LINGO2: variants seen among roughly 807,000 people sequenced by gnomAD.
LINGO2 encodes the protein leucine-rich repeat and immunoglobulin-like domain-containing nogo receptor-interacting protein 2.
LINGO2 carries 14 observed loss-of-function variants against 30.6 expected under a neutral mutation model. The observed-to-expected ratio is 0.46, with a 90% CI of 0.30 to 0.72. The LOEUF (loss-of-function observed/expected upper bound fraction) is 0.72, where lower values mean the gene tolerates loss of function less well. LINGO2 is among the 30% of genes least tolerant of loss of function. The pLI is 0.07. For synonymous variants in LINGO2, 317 were observed against 288.5 expected (o/e 1.10, Z -1.00); for missense variants, 729 against 751.7 (o/e 0.97, Z 0.35).
the LINGO2 span, among the ~76,000 whole-genome samples, chr9:29,076,882 G>A: frequency 2.0e-5 from 3 of 151,880 alleles, no homozygotes; most frequent in Non-Finnish European, 4.4e-5. Flanking sequence ...GTTAGCAAGT[G>A]CTATATAAAA....
chr9:29,163,368 T>C, the LINGO2 span, among the ~76,000 whole-genome samples: 1 of 152,202 alleles, frequency 6.6e-6, no homozygotes, highest in Non-Finnish European at 1.5e-5. Flanking sequence ...ATGCAAATCC[T>C]TTTATATAGG....
chr9:28,527,309 A>G (rs535165031), intron 1 of LINGO2, among the ~76,000 whole-genome samples: 1 of 152,188 alleles, frequency 6.6e-6, no homozygotes, highest in Non-Finnish European at 1.5e-5. Context: ...GTCTGTAGTC[A>G]TAAACATCTC....
intron 1 of LINGO2, among the ~76,000 whole-genome samples, chr9:28,566,391 T>C (rs569457260): frequency 6.6e-6 from 1 of 152,288 alleles, no homozygotes; most frequent in East Asian, 1.9e-4. Flanking sequence ...CAAACAACTT[T>C]AAAACAACTT....
the LINGO2 span, among the ~76,000 whole-genome samples, chr9:29,211,555 A>G: frequency 7.4e-6 from 1 of 134,498 alleles, no homozygotes; most frequent in Non-Finnish European, 1.6e-5. Context: ...CTTCCTTCTC[A>G]TCCTTCTCTT....
the LINGO2 span, among the ~76,000 whole-genome samples, chr9:29,158,629 C>G: frequency 4.9e-4 from 75 of 152,180 alleles, 1 homozygote; most frequent in South Asian, 0.013. Flanking sequence ...AGAAAAGAAC[C>G]CGGCAGTGGG....
the LINGO2 span, among the ~76,000 whole-genome samples, chr9:28,987,595 GTTC>G: frequency 6.6e-6 from 1 of 151,746 alleles, no homozygotes; most frequent in Non-Finnish European, 1.5e-5. Context: ...GACTTAGTTT[GTTC>G]TTCTTTTTCT....
chr9:28,020,518 G>C (rs1387706484), intron 4 of LINGO2, among the ~76,000 whole-genome samples: 3 of 146,364 alleles, frequency 2.0e-5, no homozygotes, highest in Non-Finnish European at 4.5e-5. Context: ...AACAGAGTGA[G>C]ACTCTGTCTT....
the LINGO2 span, among the ~76,000 whole-genome samples, chr9:28,738,009 A>G: frequency 6.6e-6 from 1 of 152,134 alleles, no homozygotes; most frequent in Non-Finnish European, 1.5e-5. Context: ...CTCAGCAACT[A>G]AAAAATGTGT....
chr9:28,107,810 T>C (rs187171885), intron 4 of LINGO2, among the ~76,000 whole-genome samples: 46 of 152,242 alleles, frequency 3.0e-4, no homozygotes, highest in Non-Finnish European at 6.0e-4. Context: ...TTTTGAGATA[T>C]AAAACACCTC....
chr9:28,851,450 G>C, the LINGO2 span, among the ~76,000 whole-genome samples: 1 of 152,044 alleles, frequency 6.6e-6, no homozygotes, highest in African/African-American at 2.4e-5. Flanking sequence ...GGTCTACCCA[G>C]GTAATTCAGG....
At chr9:29,074,514 T>C in the LINGO2 span, among the ~76,000 whole-genome samples, 1 of 152,098 alleles carries the variant, frequency 6.6e-6, no homozygotes, top group Non-Finnish European at 1.5e-5. Flanking sequence ...TATCTTCTCA[T>C]CAATAGTCCA....
At chr9:29,040,473 A>G in the LINGO2 span, among the ~76,000 whole-genome samples, 2 of 152,074 alleles carry the variant, frequency 1.3e-5, no homozygotes, top group South Asian at 4.1e-4. Context: ...CTATTTTTAC[A>G]TATAAATACT....
At chr9:27,969,953 C>A (rs1448100102) in intron 5 of LINGO2, among the ~76,000 whole-genome samples, 1 of 152,140 alleles carries the variant, frequency 6.6e-6, no homozygotes, top group Non-Finnish European at 1.5e-5. Context: ...TCCCTCAATA[C>A]ATTTTGTAAA....
In LINGO2 at chr9:28,336,276, T is replaced by C. The variant is rs553560721; in HGVS notation, c.-246+36560A>G. Among the ~76,000 whole-genome samples, 279 of 152,256 alleles carry C rather than the reference T, an allele frequency of 1.8e-3. 2 individuals carry two copies. The highest frequency in any genetic ancestry group is 6.6e-3 in the African/African-American group (273 of 41,570). ...TTTTCCAATTGGATTATATGTTTTG[T>C]TAATGTTGAGTTTAGAGAGTTCTTT... On this transcript the variant is annotated intron_variant, in intron 3 of 5. Transcript: ENST00000379992.
At chr9:27,942,448 A>G in the LINGO2 span, 3 of 152,248 alleles carry the variant, frequency 2.0e-5, no homozygotes, top group African/African-American at 7.2e-5. Flanking sequence ...AAAAGAAAAC[A>G]TGTTTTCTTA....
the LINGO2 span, among the ~76,000 whole-genome samples, chr9:28,730,105 A>C: frequency 1.3e-5 from 2 of 152,188 alleles, no homozygotes; most frequent in Admixed American, 1.3e-4. Context: ...ATTTTCAGAC[A>C]TATTCTCAAA....
chr9:28,561,478 C>G (rs1255757577), intron 1 of LINGO2, among the ~76,000 whole-genome samples: 1 of 150,248 alleles, frequency 6.7e-6, no homozygotes, highest in South Asian at 2.1e-4. Context: ...GTCCCTGTTT[C>G]TATAATTAGT....
At chr9:28,759,517 CT>C in the LINGO2 span, among the ~76,000 whole-genome samples, 1 of 151,624 alleles carries the variant, frequency 6.6e-6, no homozygotes, top group Non-Finnish European at 1.5e-5. Context: ...CCCATCTCTA[CT>C]AAAAATACAA....
intron 1 of LINGO2, among the ~76,000 whole-genome samples, chr9:28,666,703 C>T (rs1329294921): frequency 2.6e-5 from 4 of 152,126 alleles, no homozygotes; most frequent in African/African-American, 9.7e-5. Flanking sequence ...AACTAAGCCT[C>T]AGAGACCTCA....
Sources: gnomAD v4.1 joint callset for allele counts (sites outside exome capture counted in the v4.1 genomes callset) on GRCh38, gnomAD v4.1.1 for gene constraint, MANE v1.5 for transcripts, NCBI Gene and HGNC (gene_info 2026-07-23, HGNC 2026-07-21) for gene names.